TBL1X: variants seen among roughly 807,000 people sequenced by gnomAD.
The protein encoded by TBL1X is transducin beta like 1 X-linked, also known as F-box-like/WD repeat-containing protein TBL1X.
Under a neutral mutation model 50.7 loss-of-function variants are expected in TBL1X, and 10 were observed. The ratio of observed to expected loss-of-function variants is 0.20; its 90% CI spans 0.12 to 0.33. TBL1X has a LOEUF of 0.33. Among genes scored for constraint, TBL1X ranks in the 10% least tolerant of loss-of-function variants. The probability of loss-of-function intolerance (pLI) is 1.00; values close to 1 mark genes in which losing one functional copy is unlikely to be tolerated. For missense variants in TBL1X, 340 were observed against 504.4 expected (o/e 0.67, Z 3.12); for synonymous variants, 190 against 214.7 (o/e 0.88, Z 1.01).
intron 2 of TBL1X, among the ~76,000 whole-genome samples, chrX:9,534,641 T>A (rs1389155037): frequency 9.0e-6 from 1 of 111,660 alleles, no homozygotes; most frequent in Non-Finnish European, 1.9e-5. Flanking sequence ...ATTGGGGTTA[T>A]CTGTCAGTCC....
At chrX:9,566,787 G>A in intron 2 of TBL1X, among the ~76,000 whole-genome samples, 1 of 111,715 alleles carries the variant, frequency 9.0e-6, no homozygotes, top group Non-Finnish European at 1.9e-5. Flanking sequence ...CAATTCTTTT[G>A]CAAGTTCTTA....
At chrX:9,548,219 A>AT (rs1009472969) in intron 2 of TBL1X, among the ~76,000 whole-genome samples, 3 of 110,743 alleles carry the variant, frequency 2.7e-5, no homozygotes, top group Non-Finnish European at 5.7e-5. Flanking sequence ...AGATATGCAT[A>AT]TTTTATCCTC....
intron 5 of TBL1X, 166 bp from the exon 6 acceptor site, chrX:9,683,877 C>A: frequency 1.4e-6 from 1 of 724,523 alleles, no homozygotes; most frequent in Non-Finnish European, 2.1e-6. Flanking sequence ...CCCTTTCCCA[C>A]CTTACTGAAC....
intron 1 of TBL1X, among the ~76,000 whole-genome samples, chrX:9,482,522 T>G (rs139464361): frequency 5.3e-4 from 60 of 112,215 alleles, no homozygotes; most frequent in African/African-American, 1.9e-3. Context: ...TCTAACAACA[T>G]ATAGTCTACT....
At chrX:9,618,101 C>G (rs1016490329) in intron 2 of TBL1X, among the ~76,000 whole-genome samples, 2 of 111,847 alleles carry the variant, frequency 1.8e-5, no homozygotes, top group African/African-American at 6.5e-5. Flanking sequence ...TTGAGAACCT[C>G]TGGAATAAAT....
At chrX:9,699,091 C>G (rs898986595) in intron 12 of TBL1X, among the ~76,000 whole-genome samples, 2 of 111,912 alleles carry the variant, frequency 1.8e-5, no homozygotes, top group Non-Finnish European at 3.8e-5. Context: ...AGCGATTCTC[C>G]TGCCTCAGCC....
intron 5 of TBL1X, among the ~76,000 whole-genome samples, chrX:9,668,283 A>T (rs1397206577): frequency 9.1e-6 from 1 of 110,447 alleles, no homozygotes; most frequent in Non-Finnish European, 1.9e-5. Context: ...TCCTTTTCAG[A>T]AGGCAGTTGT....
At chrX:9,501,147 A>G (rs1047165939) in intron 1 of TBL1X, among the ~76,000 whole-genome samples, 6 of 112,038 alleles carry the variant, frequency 5.4e-5, no homozygotes, top group Admixed American at 1.9e-4. Context: ...AGGAGACCTC[A>G]TAGCATAAGG....
At chrX:9,696,588 C>T (rs1040688333) in intron 11 of TBL1X, among the ~76,000 whole-genome samples, 2 of 112,728 alleles carry the variant, frequency 1.8e-5, no homozygotes, top group Non-Finnish European at 3.7e-5. Context: ...ACTGTTAGAC[C>T]AGTACATTGG....
At chrX:9,568,876 T>C (rs1415931673) in intron 2 of TBL1X, among the ~76,000 whole-genome samples, 1 of 108,747 alleles carries the variant, frequency 9.2e-6, no homozygotes, top group Non-Finnish European at 1.9e-5. Context: ...GTTGTGTCCG[T>C]CTGTGCACCT....
intron 2 of TBL1X, among the ~76,000 whole-genome samples, chrX:9,618,159 G>A (rs868025353): frequency 1.9e-4 from 21 of 111,413 alleles, no homozygotes; most frequent in Admixed American, 5.7e-4. Context: ...ATTGGGAGGC[G>A]GCGTCTGACA....
rs1308272797 is a variant in TBL1X at position 9,492,862 on chromosome X, T to TA, written c.-200-8918_-200-8917insA. Among the ~76,000 whole-genome samples, 85 of 42,781 alleles carry TA rather than the reference T, an allele frequency of 2.0e-3. 2 individuals are homozygous for TA. Among genetic ancestry groups the TA allele is most frequent in the Non-Finnish European group, 2.6e-3 (63 of 23,880 alleles). 37.2% of individuals were successfully genotyped at this position (42,781 alleles called of 115,157 possible). A position where few individuals can be genotyped will look rare whatever the true frequency, so the allele number is the denominator to read the frequency against. ...GGGTGTGTGTGTGTGTGTGTGTGTG[T>TA]GTGTGTGTGTGTGTGTGTGTGTGTG... On this transcript the variant is annotated intron_variant, in intron 1 of 17. Transcript: ENST00000645353.
intron 5 of TBL1X, among the ~76,000 whole-genome samples, chrX:9,675,499 C>T (rs929258596): frequency 9.0e-6 from 1 of 111,676 alleles, no homozygotes; most frequent in Non-Finnish European, 1.9e-5. Context: ...CTGTCAAAAC[C>T]AACCAGCAAC....
In TBL1X at chrX:9,716,393, T is replaced by C; in HGVS notation, c.*147T>C. On this transcript the variant is annotated 3_prime_UTR_variant, in exon 18 of 18. Transcript: ENST00000645353. Reference sequence around the variant, plus strand: ...ACTCGTCTCTGGCCGCAGGAGTCTATATGTTTTCGTAATCTTCATCAAGAA... The same window carrying C: ...ACTCGTCTCTGGCCGCAGGAGTCTACATGTTTTCGTAATCTTCATCAAGAA... 1 of 557,966 alleles carries C rather than the reference T, an allele frequency of 1.8e-6. No homozygotes were observed. The highest frequency in any genetic ancestry group is 2.7e-6 in the Non-Finnish European group (1 of 364,523). The allele number at this position is 557,966 out of a possible 1,213,427, so 46.0% of individuals were successfully genotyped here.
At chrX:9,665,978 A>G (rs1334810308) in intron 5 of TBL1X, among the ~76,000 whole-genome samples, 1 of 111,321 alleles carries the variant, frequency 9.0e-6, no homozygotes, top group Non-Finnish European at 1.9e-5. Flanking sequence ...TGGATTAGAG[A>G]AGCATGCTGT....
intron 2 of TBL1X, among the ~76,000 whole-genome samples, chrX:9,607,887 C>T (rs2146555174): frequency 9.1e-6 from 1 of 109,731 alleles, no homozygotes; most frequent in Non-Finnish European, 1.9e-5. Context: ...GATCATAGCT[C>T]ACTACAGCCT....
At chrX:9,685,740 T>TA (rs1040764557) in intron 6 of TBL1X, among the ~76,000 whole-genome samples, 3 of 92,490 alleles carry the variant, frequency 3.2e-5, no homozygotes, top group East Asian at 3.1e-4. Flanking sequence ...TTTTTTTTTT[T>TA]AAGACAGGGT....
At chrX:9,574,239 A>G (rs1294659556) in intron 2 of TBL1X, among the ~76,000 whole-genome samples, 1 of 109,521 alleles carries the variant, frequency 9.1e-6, no homozygotes, top group East Asian at 2.9e-4. Flanking sequence ...GTCCAAGCTC[A>G]GGAGTCCGAG....
At chrX:9,613,905 G>T (rs1477594964) in intron 2 of TBL1X, among the ~76,000 whole-genome samples, 1 of 99,605 alleles carries the variant, frequency 1.0e-5, no homozygotes, top group Non-Finnish European at 2.0e-5. Context: ...AGAATAGCTT[G>T]AAACCGGGAG....
Sources: allele counts gnomAD v4.1 joint callset (sites outside exome capture counted in the v4.1 genomes callset), GRCh38; gene constraint gnomAD v4.1.1; transcripts MANE v1.5; gene names NCBI Gene and HGNC (gene_info 2026-07-23, HGNC 2026-07-21).